RALGPS1: variants seen among roughly 807,000 people sequenced by gnomAD.
The protein encoded by RALGPS1 is Ral GEF with PH domain and SH3 binding motif 1.
RALGPS1 carries 19 observed loss-of-function variants against 78.8 expected under a neutral mutation model. That is an observed-to-expected ratio of 0.24 (90% CI 0.17 to 0.35). The LOEUF (loss-of-function observed/expected upper bound fraction) is 0.35, where lower values mean the gene tolerates loss of function less well. Ranked by LOEUF, RALGPS1 falls within the 10% of genes least tolerant of loss-of-function variation. The pLI, the probability that RALGPS1 is intolerant of heterozygous loss-of-function variation, is 1.00. For missense variants in RALGPS1, 454 were observed against 688.3 expected (o/e 0.66, Z 3.81); for synonymous variants, 228 against 256.3 (o/e 0.89, Z 1.06).
chr9:127,069,370 T>C lies in RALGPS1; in HGVS notation c.610+14T>C, dbSNP rs1039710913. Reference sequence around the variant, plus strand: ...TTCCCTATCTAGGTAGGAGTTTGAATTGGCTTATTTTTTTTTAAGAAACCT... The same window carrying C: ...TTCCCTATCTAGGTAGGAGTTTGAACTGGCTTATTTTTTTTTAAGAAACCT... On this transcript the variant is annotated intron_variant, in intron 8 of 18. Coordinates refer to ENST00000259351, the MANE Select transcript of RALGPS1 (RefSeq NM_014636.3). The C allele has an allele frequency of 6.2e-7, 1 of 1,610,566 alleles. No homozygotes were observed. Among genetic ancestry groups the C allele is most frequent in the Non-Finnish European group, 8.5e-7 (1 of 1,178,848 alleles).
intron 14 of RALGPS1, chr9:127,210,865 G>A (rs1373197539): frequency 3.5e-5 from 41 of 1,156,034 alleles, no homozygotes; most frequent in South Asian, 1.3e-4. Context: ...AGAGGCTGCC[G>A]AAAGAAACAG....
At chr9:127,114,931 T>C (rs2055237292) in intron 8 of RALGPS1, among the ~76,000 whole-genome samples, 1 of 152,196 alleles carries the variant, frequency 6.6e-6, no homozygotes, top group South Asian at 2.1e-4. Context: ...GTGTTCCTAC[T>C]AAGCTGTTGA....
chr9:126,967,363 C>G (rs1268911914), intron 3 of RALGPS1, among the ~76,000 whole-genome samples: 3 of 152,138 alleles, frequency 2.0e-5, no homozygotes, highest in African/African-American at 7.2e-5. Flanking sequence ...CATCCTCTGT[C>G]CTTTTCTTTT....
At chr9:126,931,981 G>GTT (rs11331889) in intron 1 of RALGPS1, among the ~76,000 whole-genome samples, 53 of 148,178 alleles carry the variant, frequency 3.6e-4, no homozygotes, top group East Asian at 5.9e-4. Context: ...CCACAGACAT[G>GTT]TTTTTTTTTT....
At chr9:127,190,343 T>G (rs779053914) in intron 11 of RALGPS1, among the ~76,000 whole-genome samples, 5 of 152,212 alleles carry the variant, frequency 3.3e-5, no homozygotes, top group East Asian at 3.8e-4. Flanking sequence ...TTGTTTGTTT[T>G]TTGAGACAGG....
chr9:127,128,124 T>G (rs1311666152), intron 8 of RALGPS1, among the ~76,000 whole-genome samples: 6 of 151,944 alleles, frequency 3.9e-5, no homozygotes, highest in African/African-American at 7.3e-5. Context: ...TTGTGTTACT[T>G]TGTTGAGAAT....
At chr9:126,975,129 T>C (rs1346622314) in intron 3 of RALGPS1, among the ~76,000 whole-genome samples, 1 of 152,226 alleles carries the variant, frequency 6.6e-6, no homozygotes, top group Non-Finnish European at 1.5e-5. Flanking sequence ...ATCCTTGCTC[T>C]AGATACTGTA....
chr9:127,149,169 C>T (rs1216821699), intron 8 of RALGPS1, among the ~76,000 whole-genome samples: 2 of 152,230 alleles, frequency 1.3e-5, no homozygotes, highest in Non-Finnish European at 2.9e-5. Context: ...TAGAGCCCCA[C>T]CCTGTCCAGG....
rs574728347 is a variant in RALGPS1, at chr9:127,123,915, G to A, written c.611-42154G>A. Among the ~76,000 whole-genome samples, 63 of 152,202 alleles carry A rather than the reference G, an allele frequency of 4.1e-4. 1 individual carries two copies. Among genetic ancestry groups the A allele is most frequent in the South Asian group, 2.5e-3 (12 of 4,820 alleles). ...TTGGACAAGAACATGTGAAATATTG[G>A]TGGTATCTTTGCTTTTTTAAAAAGG... On this transcript the variant is annotated intron_variant, in intron 8 of 18. Coordinates refer to ENST00000259351, the MANE Select transcript of RALGPS1 (RefSeq NM_014636.3).
intron 8 of RALGPS1, among the ~76,000 whole-genome samples, chr9:127,085,671 A>G (rs957888811): frequency 6.6e-6 from 1 of 152,118 alleles, no homozygotes; most frequent in Non-Finnish European, 1.5e-5. Context: ...ACCTGCTTTC[A>G]TTTGAATCCT....
At chr9:127,165,044 T>C (rs1374045503) in intron 8 of RALGPS1, among the ~76,000 whole-genome samples, 3 of 152,264 alleles carry the variant, frequency 2.0e-5, no homozygotes, top group Admixed American at 2.0e-4. Flanking sequence ...GTTTGATGTG[T>C]TGTTTCTTTA....
intron 1 of RALGPS1, among the ~76,000 whole-genome samples, chr9:126,927,792 A>G (rs2035436875): frequency 6.6e-6 from 1 of 152,190 alleles, no homozygotes; most frequent in Non-Finnish European, 1.5e-5. Flanking sequence ...CTGCAACCTC[A>G]GGGATGTGTG....
At chr9:127,082,516 G>A (rs769222529) in intron 8 of RALGPS1, among the ~76,000 whole-genome samples, 1 of 152,144 alleles carries the variant, frequency 6.6e-6, no homozygotes, top group East Asian at 1.9e-4. Flanking sequence ...CCATATCACC[G>A]TGATTCTCAG....
chr9:127,156,334 A>G (rs2058708081), intron 8 of RALGPS1, among the ~76,000 whole-genome samples: 1 of 152,200 alleles, frequency 6.6e-6, no homozygotes, highest in Non-Finnish European at 1.5e-5. Flanking sequence ...ACTGGGTCCT[A>G]GAAAACACAT....
In RALGPS1 at chr9:127,201,731, C is replaced by T. The variant is rs562781459; in HGVS notation, c.1247+2665C>T. ...GTCCTCCCTCCACTCCCAGCTCTCACCCAGGCCAAATCCTCCTACTCTAAT... is the reference window on the plus strand; with the variant it reads ...GTCCTCCCTCCACTCCCAGCTCTCATCCAGGCCAAATCCTCCTACTCTAAT... On this transcript the variant is annotated intron_variant, in intron 14 of 18. Transcript: ENST00000259351. Among the ~76,000 whole-genome samples, 7 of 152,314 alleles carry T rather than the reference C, an allele frequency of 4.6e-5. No individual in the cohort carries two copies. In the South Asian group the frequency reaches 1.2e-3, roughly 27 times the overall value.
At chr9:126,981,827 A>G (rs1026503420) in intron 4 of RALGPS1, among the ~76,000 whole-genome samples, 1 of 151,964 alleles carries the variant, frequency 6.6e-6, no homozygotes, top group Non-Finnish European at 1.5e-5. Context: ...TTTATCTCTC[A>G]TAGTCTCTGT....
chr9:126,930,809 T>C (rs2035721856), intron 1 of RALGPS1, among the ~76,000 whole-genome samples: 1 of 152,332 alleles, frequency 6.6e-6, no homozygotes, highest in East Asian at 1.9e-4. Context: ...CAGATTCTTA[T>C]TCATTTCTAC....
chr9:127,061,814 A>G (rs1032120228), intron 7 of RALGPS1, among the ~76,000 whole-genome samples: 2 of 152,112 alleles, frequency 1.3e-5, no homozygotes, highest in South Asian at 2.1e-4. Context: ...AATGAGATGT[A>G]TATTTGGTGC....
In RALGPS1 at chr9:126,996,496, T is replaced by C. The variant is rs536907547; in HGVS notation, c.216+18751T>C. On this transcript the variant is annotated intron_variant, in intron 4 of 18. Coordinates refer to ENST00000259351, the MANE Select transcript of RALGPS1 (RefSeq NM_014636.3). The stretch of plus-strand genomic sequence containing the variant: ...GACTAAACCAGGAAGAAGTTGAATC[T>C]CTGAATAGACCAATAACAGGCTCTG... Among the ~76,000 whole-genome samples the C allele has an allele frequency of 7.1e-3, 1,078 of 152,244 alleles. 14 individuals are homozygous for C. The highest frequency in any genetic ancestry group is 0.025 in the African/African-American group (1,045 of 41,542).
Sources: gnomAD v4.1 joint callset for allele counts (sites outside exome capture counted in the v4.1 genomes callset) on GRCh38, gnomAD v4.1.1 for gene constraint, MANE v1.5 for transcripts, NCBI Gene and HGNC (gene_info 2026-07-23, HGNC 2026-07-21) for gene names.